Variants in BRINP1 observed in about 807,000 individuals in gnomAD.
The protein encoded by BRINP1 is BMP/retinoic acid inducible neural specific 1, also known as BMP/retinoic acid-inducible neural-specific protein 1.
In BRINP1, 17 loss-of-function variants were observed where a neutral mutation model predicts 72.9. That is an observed-to-expected ratio of 0.23 (90% CI 0.16 to 0.35). The LOEUF (loss-of-function observed/expected upper bound fraction) is 0.35. BRINP1 is among the 10% of genes least tolerant of loss of function. The pLI is 1.00. For synonymous variants in BRINP1, 418 were observed against 378.5 expected, an observed-to-expected ratio of 1.10 and a Z score of -1.21; for missense variants, 850 against 1,001.6, an observed-to-expected ratio of 0.85 and a Z score of 2.04.
At chr9:119,245,715 A>T (rs1243675803) in intron 3 of BRINP1, among the ~76,000 whole-genome samples, 2 of 152,164 alleles carry the variant, frequency 1.3e-5, no homozygotes, top group East Asian at 3.9e-4. Context: ...TATTTGTCTC[A>T]TAGGTGACAG....
intron 2 of BRINP1, among the ~76,000 whole-genome samples, chr9:119,264,800 A>G (rs1564232762): frequency 6.6e-6 from 1 of 152,196 alleles, no homozygotes; most frequent in East Asian, 1.9e-4. Flanking sequence ...CTCCTGAGTA[A>G]ATGGGATTAC....
chr9:119,341,144 C>T (rs1202331831), intron 1 of BRINP1, among the ~76,000 whole-genome samples: 1 of 152,104 alleles, frequency 6.6e-6, no homozygotes, highest in Non-Finnish European at 1.5e-5. Flanking sequence ...TACATGGAGG[C>T]CCCTAAAGGA....
chr9:119,355,258 C>G (rs140288487), intron 1 of BRINP1, among the ~76,000 whole-genome samples: 3 of 152,024 alleles, frequency 2.0e-5, no homozygotes, highest in Admixed American at 2.0e-4. Flanking sequence ...ATATTTTGAA[C>G]CTTATGCTTT....
chr9:119,249,250 A>C, intron 2 of BRINP1, 100 bp from the exon 3 acceptor site: 1 of 1,105,808 alleles, frequency 9.0e-7, no homozygotes, highest in Non-Finnish European at 1.3e-6. Context: ...TTAAGTGGGA[A>C]AGTGCCTACA....
rs927660885 is a variant in BRINP1 at position 119,368,056 on chromosome 9, G to T, written c.-51+1000C>A. Among the ~76,000 whole-genome samples, 3 of 152,170 alleles carry T rather than the reference G, an allele frequency of 2.0e-5. No homozygotes were observed. Among genetic ancestry groups the T allele is most frequent in the African/African-American group, 7.2e-5 (3 of 41,438 alleles). ...CCGCCCCAGATGAAATTTCCTCTGA[G>T]ACCCTTTGCAACTGTGATGGATGAG... On this transcript the variant is annotated intron_variant, in intron 1 of 7. Transcript: ENST00000265922. This position sits in a 1 kb window ranked among gnomAD's most constrained non-coding sequence, Gnocchi z 4.7.
intron 7 of BRINP1, among the ~76,000 whole-genome samples, chr9:119,203,058 A>G (rs987369798): frequency 2.4e-4 from 37 of 152,170 alleles, no homozygotes; most frequent in African/African-American, 8.0e-4. Context: ...TACAGTATAT[A>G]TATTTCAATG....
chr9:119,260,374 A>G (rs1383548430), intron 2 of BRINP1, among the ~76,000 whole-genome samples: 1 of 152,244 alleles, frequency 6.6e-6, no homozygotes, highest in African/African-American at 2.4e-5. Flanking sequence ...CAGAAGGCCC[A>G]CAAAGTCTAA....
At chr9:119,365,467 C>G (rs996479951) in intron 1 of BRINP1, among the ~76,000 whole-genome samples, 1 of 152,082 alleles carries the variant, frequency 6.6e-6, no homozygotes, top group African/African-American at 2.4e-5. Context: ...CAGGAAAAGA[C>G]GGGTAGGGTA....
intron 7 of BRINP1, among the ~76,000 whole-genome samples, chr9:119,196,850 A>G (rs1472773020): frequency 6.6e-6 from 1 of 152,196 alleles, no homozygotes; most frequent in East Asian, 1.9e-4. Flanking sequence ...TTCTGGATAA[A>G]ATTAATCCCA....
intron 7 of BRINP1, among the ~76,000 whole-genome samples, chr9:119,200,157 GA>G (rs1829789974): frequency 6.6e-6 from 1 of 152,182 alleles, no homozygotes; most frequent in South Asian, 2.1e-4. Flanking sequence ...CATATTCGGA[GA>G]AGCAAATAAT....
intron 2 of BRINP1, among the ~76,000 whole-genome samples, chr9:119,305,638 C>G (rs2118987993): frequency 6.6e-6 from 1 of 152,298 alleles, no homozygotes; most frequent in Non-Finnish European, 1.5e-5. Flanking sequence ...CTTCCTCCAG[C>G]ATGCCTTTCC....
chr9:119,264,219 T>C (rs1162371911), intron 2 of BRINP1, among the ~76,000 whole-genome samples: 6 of 152,242 alleles, frequency 3.9e-5, no homozygotes, highest in Admixed American at 2.6e-4. Context: ...TTTTTTCCCC[T>C]TTCCAATCAG....
At chr9:119,364,590 A>G (rs575160498) in intron 1 of BRINP1, among the ~76,000 whole-genome samples, 3 of 152,340 alleles carry the variant, frequency 2.0e-5, no homozygotes, top group African/African-American at 7.2e-5. Context: ...AATAGTTACC[A>G]TTAACTCAGT....
intron 2 of BRINP1, among the ~76,000 whole-genome samples, chr9:119,285,267 G>A (rs1830748838): frequency 6.6e-6 from 1 of 152,008 alleles, no homozygotes; most frequent in Non-Finnish European, 1.5e-5. Flanking sequence ...ACAAGCCAGT[G>A]AGAAAGACCA....
At chr9:119,264,519 TTCAAA>T (rs770942777) in intron 2 of BRINP1, among the ~76,000 whole-genome samples, 9 of 152,340 alleles carry the variant, frequency 5.9e-5, no homozygotes, top group Non-Finnish European at 1.3e-4. Context: ...ATGCCTTATG[TTCAAA>T]TTCCCAGCTC....
At chr9:119,320,566 GGCTGAGAGTGGAGGT>G (rs2119003366) in intron 1 of BRINP1, among the ~76,000 whole-genome samples, 1 of 152,278 alleles carries the variant, frequency 6.6e-6, no homozygotes, top group East Asian at 1.9e-4. Context: ...CAGGTCAGAG[GGCTGAGAGTGGAGGT>G]GCTGCTTTCT....
intron 1 of BRINP1, among the ~76,000 whole-genome samples, chr9:119,343,009 C>T (rs192995887): frequency 2.0e-5 from 3 of 152,294 alleles, no homozygotes; most frequent in East Asian, 1.9e-4. Flanking sequence ...ATACATTGGG[C>T]GGATGCCTGG....
At chr9:119,214,587 TA>T (rs57097317) in intron 5 of BRINP1, among the ~76,000 whole-genome samples, 40,458 of 143,932 alleles carry the variant, frequency 0.28, 6,581 homozygotes, top group East Asian at 0.52. Context: ...CCTGTAGAGA[TA>T]AAAAAAAAAA....
chr9:119,274,719 C>T (rs1830638349), intron 2 of BRINP1, among the ~76,000 whole-genome samples: 1 of 152,114 alleles, frequency 6.6e-6, no homozygotes, highest in Non-Finnish European at 1.5e-5. Flanking sequence ...GTCTCACACC[C>T]ATTCTAAAAA....
Sources: gnomAD v4.1 joint callset for allele counts (sites outside exome capture counted in the v4.1 genomes callset) on GRCh38, gnomAD v4.1.1 for gene constraint, Gnocchi (gnomAD v3.1) non-coding constraint, MANE v1.5 for transcripts, NCBI Gene and HGNC (gene_info 2026-07-23, HGNC 2026-07-21) for gene names.